The following TMTC2 variants were observed in gnomAD, a reference collection of about 807,000 sequenced individuals.
TMTC2 encodes protein O-mannosyl-transferase TMTC2.
A neutral mutation model predicts 82.4 loss-of-function variants in TMTC2; 43 were observed. The observed-to-expected ratio is 0.52, with a 90% confidence interval of 0.41 to 0.67. The LOEUF (loss-of-function observed/expected upper bound fraction) is 0.67, where lower values mean the gene tolerates loss of function less well. Ranked by LOEUF, TMTC2 falls within the 30% of genes least tolerant of loss-of-function variation. TMTC2 has a pLI of 0.00. For synonymous variants in TMTC2, 408 were observed against 381.9 expected (o/e 1.07, Z -0.80); for missense variants, 919 against 1,012.4 (o/e 0.91, Z 1.25).
chr12:83,119,621 T>C (rs924010493), intron 11 of TMTC2, among the ~76,000 whole-genome samples: 11 of 152,176 alleles, frequency 7.2e-5, no homozygotes, highest in Non-Finnish European at 1.3e-4. Context: ...ATTCTGTGGT[T>C]GTTGGATGGA....
At chr12:83,076,599 T>A (rs914734183) in intron 11 of TMTC2, among the ~76,000 whole-genome samples, 5 of 152,224 alleles carry the variant, frequency 3.3e-5, no homozygotes, top group Non-Finnish European at 5.9e-5. Context: ...GCTGTCAACT[T>A]CAGAGGGCTA....
chr12:83,032,257 T>TATA (rs1881460375), intron 9 of TMTC2, among the ~76,000 whole-genome samples: 3 of 130,858 alleles, frequency 2.3e-5, no homozygotes, highest in Non-Finnish European at 3.2e-5. Context: ...AGAGAATATT[T>TATA]TATATATATA....
At chr12:82,850,393 G>T (rs1489070194) in intron 1 of TMTC2, among the ~76,000 whole-genome samples, 2 of 152,112 alleles carry the variant, frequency 1.3e-5, no homozygotes, top group Non-Finnish European at 2.9e-5. Context: ...AAATGTGGAT[G>T]TCAAATGGAC....
chr12:82,714,952 C>G (rs992827082), intron 1 of TMTC2, among the ~76,000 whole-genome samples: 1 of 152,028 alleles, frequency 6.6e-6, no homozygotes, highest in African/African-American at 2.4e-5. Context: ...TAAAAATCAG[C>G]TGACAAAAAG....
At chr12:82,894,861 G>A (rs754473382) in intron 2 of TMTC2, among the ~76,000 whole-genome samples, 2 of 151,902 alleles carry the variant, frequency 1.3e-5, no homozygotes, top group Non-Finnish European at 2.9e-5. Context: ...GTGCAGTGGT[G>A]CAATCTCAGC....
rs4882429 is a variant in TMTC2 at position 82,714,292 on chromosome 12, A to C, written c.83+26623A>C. Reference sequence around the variant, plus strand: ...TCGTTGAATTGTGTACTTGAAACCGATAAATTTTATATGAAAAATAAATAT... The same window carrying C: ...TCGTTGAATTGTGTACTTGAAACCGCTAAATTTTATATGAAAAATAAATAT... On this transcript the variant is annotated intron_variant, in intron 1 of 11. Transcript: ENST00000321196. 2.4e-3 allele frequency among the ~76,000 whole-genome samples: 369 copies of C among 152,336 alleles called. 1 individual carries two copies. Among genetic ancestry groups the C allele is most frequent in the African/African-American group, 8.3e-3 (345 of 41,572 alleles).
chr12:83,091,319 A>G (rs1883839525), intron 11 of TMTC2, among the ~76,000 whole-genome samples: 1 of 152,182 alleles, frequency 6.6e-6, no homozygotes, highest in Non-Finnish European at 1.5e-5. Flanking sequence ...TATTTCATTT[A>G]TTTGTTTTTT....
chr12:83,086,110 CA>C (rs372207911), intron 11 of TMTC2, among the ~76,000 whole-genome samples: 36 of 151,620 alleles, frequency 2.4e-4, no homozygotes, highest in African/African-American at 8.5e-4. Context: ...TTGAAAATGC[CA>C]ACTTGGGGAG....
chr12:83,064,824 G>T (rs147012768), intron 11 of TMTC2, among the ~76,000 whole-genome samples: 339 of 151,976 alleles, frequency 2.2e-3, no homozygotes, highest in African/African-American at 7.8e-3. Flanking sequence ...CCTGTTCATA[G>T]CTGTTTATTA....
chr12:83,129,009 G>T (rs1885180735), intron 11 of TMTC2, among the ~76,000 whole-genome samples: 1 of 152,100 alleles, frequency 6.6e-6, no homozygotes, highest in Non-Finnish European at 1.5e-5. Context: ...TATTACATAT[G>T]TCACATTTTA....
At chr12:83,052,286 A>G (rs1882381013) in intron 10 of TMTC2, among the ~76,000 whole-genome samples, 1 of 152,140 alleles carries the variant, frequency 6.6e-6, no homozygotes, top group African/African-American at 2.4e-5. Context: ...TATAAAAAAT[A>G]ATACAGAGAC....
At chr12:82,836,538 C>T (rs1008983543) in intron 1 of TMTC2, among the ~76,000 whole-genome samples, 1 of 151,928 alleles carries the variant, frequency 6.6e-6, no homozygotes, top group African/African-American at 2.4e-5. Flanking sequence ...CTCTATAAGC[C>T]GGAAAAGGCA....
At chr12:82,849,204 G>A (rs977601154) in intron 1 of TMTC2, among the ~76,000 whole-genome samples, 9 of 152,144 alleles carry the variant, frequency 5.9e-5, no homozygotes, top group East Asian at 1.9e-4. Flanking sequence ...GGGAATGAAG[G>A]CAGGCAGGGA....
chr12:82,954,648 T>C (rs553957147), intron 4 of TMTC2, among the ~76,000 whole-genome samples: 2 of 152,334 alleles, frequency 1.3e-5, no homozygotes, highest in South Asian at 4.1e-4. Flanking sequence ...TATGTACTCT[T>C]GAAAAGCATA....
intron 8 of TMTC2, among the ~76,000 whole-genome samples, chr12:82,988,711 G>A (rs1879277085): frequency 6.6e-6 from 1 of 151,232 alleles, no homozygotes; most frequent in African/African-American, 2.4e-5. Context: ...CACCCTTTTT[G>A]CTTACACCTT....
chr12:83,099,362 T>C (rs906794954), intron 11 of TMTC2, among the ~76,000 whole-genome samples: 1 of 152,110 alleles, frequency 6.6e-6, no homozygotes, highest in Admixed American at 6.5e-5. Context: ...AATTTTTTTG[T>C]ATAATAAAAT....
In TMTC2 at chr12:82,738,064, T is replaced by C. The variant is rs544184855; in HGVS notation, c.83+50395T>C. 1.0e-3 allele frequency among the ~76,000 whole-genome samples: 154 copies of C among 152,334 alleles called. 1 individual carries two copies. The highest frequency in any genetic ancestry group is 3.5e-3 in the African/African-American group (146 of 41,582). On this transcript the variant is annotated intron_variant, in intron 1 of 11. Transcript: ENST00000321196. ...CAGCATTGAGTTGCTATGGTATTTT[T>C]ATTGTTGTCTCCCTTAGAAATTTCC...
At chr12:83,057,441 A>G (rs542954536) in intron 10 of TMTC2, among the ~76,000 whole-genome samples, 1 of 152,050 alleles carries the variant, frequency 6.6e-6, no homozygotes, top group East Asian at 1.9e-4. Flanking sequence ...GTCATAAACA[A>G]TTTATTGTAG....
chr12:82,893,380 AAAAAGAAAAG>A (rs148783598), intron 2 of TMTC2, among the ~76,000 whole-genome samples: 2 of 146,108 alleles, frequency 1.4e-5, no homozygotes, highest in African/African-American at 2.7e-5. Context: ...AAAAAAAAAA[AAAAAGAAAAG>A]AAAAGAAAAG....
Sources: gnomAD v4.1 joint callset for allele counts (sites outside exome capture counted in the v4.1 genomes callset) on GRCh38, gnomAD v4.1.1 for gene constraint, MANE v1.5 for transcripts, NCBI Gene and HGNC (gene_info 2026-07-23, HGNC 2026-07-21) for gene names.